The following POLR3G variants were observed in gnomAD, a reference collection of about 807,000 sequenced individuals.
The protein encoded by POLR3G is RNA polymerase III subunit G, also known as DNA-directed RNA polymerase III subunit RPC7.
POLR3G carries 28 observed loss-of-function variants against 30.1 expected under a neutral mutation model. That is an observed-to-expected ratio of 0.93 (90% CI 0.69 to 1.27). POLR3G has a LOEUF of 1.27. Ranked by LOEUF, POLR3G falls within the 50% of genes most tolerant of loss-of-function variation. POLR3G has a pLI of 0.00. For missense variants in POLR3G, 254 were observed against 264.6 expected (o/e 0.96, Z 0.28); for synonymous variants, 79 against 82.5 (o/e 0.96, Z 0.23).
chr5:90,505,832 T>G (rs1752456553), intron 6 of POLR3G, among the ~76,000 whole-genome samples: 2 of 152,174 alleles, frequency 1.3e-5, no homozygotes, highest in South Asian at 4.1e-4. Context: ...ACATAGACAT[T>G]TTGAGATAAT....
At position 90,506,578 on chromosome 5, in the gene POLR3G, GA is replaced by G. The variant is rs777885579; in HGVS notation, c.492del (p.Glu165LysfsTer70). On this transcript the variant is annotated frameshift_variant, in exon 7 of 8. Transcript: ENST00000651687. LOFTEE classifies it high-confidence loss of function. ...GEKSDEENEE[K>X]EGSKEKSKEG... ...AAAAATCAGATGAGGAAAATGAAGA[GA>G]AAGAAGGAAGCAAAGAGAAAAGTAA... 1.5e-5 allele frequency: 24 copies of G among 1,613,336 alleles called. No individual in the cohort carries two copies. Among genetic ancestry groups the G allele is most frequent in the East Asian group, 2.2e-5 (1 of 44,860 alleles).
chr5:90,502,975 G>C (rs1752324878), intron 6 of POLR3G, among the ~76,000 whole-genome samples: 1 of 152,126 alleles, frequency 6.6e-6, no homozygotes, highest in Admixed American at 6.5e-5. Flanking sequence ...TAGATTTCTA[G>C]AAGTATTTGG....
chr5:90,500,310 A>G (rs557218518), intron 5 of POLR3G, among the ~76,000 whole-genome samples: 1 of 152,252 alleles, frequency 6.6e-6, no homozygotes, highest in South Asian at 2.1e-4. Context: ...AGCTACTGCC[A>G]TGTGTTAAAA....
intron 7 of POLR3G, among the ~76,000 whole-genome samples, chr5:90,511,047 C>T (rs189790200): frequency 2.1e-4 from 32 of 152,246 alleles, no homozygotes; most frequent in Non-Finnish European, 4.4e-4. Flanking sequence ...ATGGTCTTAT[C>T]ACTCAGCTTT....
At chr5:90,476,406 G>C (rs1302942048) in intron 1 of POLR3G, among the ~76,000 whole-genome samples, 2 of 152,132 alleles carry the variant, frequency 1.3e-5, no homozygotes, top group African/African-American at 4.8e-5. Context: ...AGCATTACGG[G>C]GTATGTACCA....
rs1752880396 is a variant in POLR3G, at chr5:90,514,554, A to T, written c.*2415A>T. 1 of 152,236 alleles carries T rather than the reference A, an allele frequency of 6.6e-6. No individual in the cohort carries two copies. Among genetic ancestry groups the T allele is most frequent in the Admixed American group, 6.5e-5 (1 of 15,284 alleles). The allele number at this position is 152,236 out of a possible 1,614,324, so 9.4% of individuals were successfully genotyped here. A position where few individuals can be genotyped will look rare whatever the true frequency, so the allele number is the denominator to read the frequency against. On this transcript the variant is annotated 3_prime_UTR_variant, in exon 8 of 8. Transcript: ENST00000651687. The stretch of plus-strand genomic sequence containing the variant: ...TGAATAAACAATCACCACAAACAAC[A>T]AAACTCTGGTTAATGATTATTCAAA...
chr5:90,483,759 A>C (rs573049749), intron 1 of POLR3G, among the ~76,000 whole-genome samples: 2 of 152,256 alleles, frequency 1.3e-5, no homozygotes, highest in Admixed American at 1.3e-4. Context: ...TAAATAAATA[A>C]AATATTTAAA....
At chr5:90,477,918 C>T (rs1750916410) in intron 1 of POLR3G, among the ~76,000 whole-genome samples, 1 of 152,042 alleles carries the variant, frequency 6.6e-6, no homozygotes, top group African/African-American at 2.4e-5. Flanking sequence ...TGGTGTACAC[C>T]CTATGTAAAT....
At position 90,501,991 on chromosome 5, in the gene POLR3G, A is replaced by G. The variant is rs1294153430; in HGVS notation, c.438+3A>G. 2 of 1,611,560 alleles carry G rather than the reference A, an allele frequency of 1.2e-6. No homozygotes were observed. The highest frequency in any genetic ancestry group is 1.3e-5 in the African/African-American group (1 of 74,814). The stretch of plus-strand genomic sequence containing the variant: ...AAGATGTGTTGAAAAAAATGGAGGT[A>G]AGGTTTTCTTCTTACTATACAAGTG... On this transcript the variant is annotated splice_donor_region_variant and intron_variant, in intron 6 of 7. Transcript: ENST00000651687.
Position 90,506,686 on chromosome 5 carries a change from T to C in POLR3G, c.585+12T>C. ...AAGAGCAAGAAGAGGTAATGGTTCA[T>C]TTGGGGATGGTAGCAAAATTAATAA... On this transcript the variant is annotated intron_variant, in intron 7 of 7. Transcript: ENST00000651687. 6.3e-7 allele frequency: 1 copy of C among 1,589,416 alleles called. No homozygotes were observed. The highest frequency in any genetic ancestry group is 2.2e-5 in the East Asian group (1 of 44,578).
chr5:90,490,863 G>T (rs1010318646), intron 3 of POLR3G: 1 of 160,042 alleles, frequency 6.2e-6, no homozygotes, highest in Non-Finnish European at 1.4e-5. Flanking sequence ...CATGCTATGA[G>T]TGAAAAAGAA....
chr5:90,497,779 C>G (rs777021754), intron 5 of POLR3G, 73 bp downstream of exon 5: 3 of 1,517,800 alleles, frequency 2.0e-6, no homozygotes, highest in Non-Finnish European at 2.7e-6. Flanking sequence ...ATGGATTTGT[C>G]AACCCAAAGT....
rs1752630275 is a variant in POLR3G at position 90,509,315 on chromosome 5, C to T, written c.585+2641C>T. ...CTGTAATCTCTCTGATTGCATCCCT[C>T]CCCATAGTTACCCTGTATAAACATG... On this transcript the variant is annotated intron_variant, in intron 7 of 7. Transcript: ENST00000651687. 5.3e-5 allele frequency among the ~76,000 whole-genome samples: 8 copies of T among 152,130 alleles called. No homozygotes were observed. In the South Asian group the frequency reaches 1.5e-3, roughly 28 times the overall value.
At chr5:90,487,239 A>C (rs1031484062) in intron 2 of POLR3G, among the ~76,000 whole-genome samples, 2 of 152,074 alleles carry the variant, frequency 1.3e-5, no homozygotes, top group Non-Finnish European at 2.9e-5. Flanking sequence ...CATAGCAACC[A>C]CTTACTAAAT....
At chr5:90,501,832 A>G (rs1018014277) in intron 5 of POLR3G, 74 bp from the exon 6 acceptor site, 4 of 1,547,696 alleles carry the variant, frequency 2.6e-6, no homozygotes, top group Non-Finnish European at 3.5e-6. Flanking sequence ...GCTGGACAGC[A>G]TACGCAAAGA....
At chr5:90,480,729 CT>C (rs1751082134) in intron 1 of POLR3G, among the ~76,000 whole-genome samples, 2 of 152,152 alleles carry the variant, frequency 1.3e-5, no homozygotes, top group Admixed American at 1.3e-4. Context: ...GTCTGGTAAA[CT>C]TTACCTGGAA....
chr5:90,477,599 C>A (rs1173451382), intron 1 of POLR3G, among the ~76,000 whole-genome samples: 1 of 152,116 alleles, frequency 6.6e-6, no homozygotes, highest in Non-Finnish European at 1.5e-5. Context: ...AGGGGTCATT[C>A]ATCAGGAATA....
chr5:90,503,615 TG>T (rs1752354518), intron 6 of POLR3G, among the ~76,000 whole-genome samples: 1 of 152,224 alleles, frequency 6.6e-6, no homozygotes, highest in South Asian at 2.1e-4. Context: ...GGACACACAC[TG>T]GAAAAACTGG....
In POLR3G at chr5:90,512,758, C is replaced by T. The variant is rs1303807951; in HGVS notation, c.*619C>T. 1.3e-5 allele frequency: 2 copies of T among 152,400 alleles called. No homozygotes were observed. The highest frequency in any genetic ancestry group is 2.4e-5 in the African/African-American group (1 of 41,408). The allele number at this position is 152,400 out of a possible 1,614,324, so 9.4% of individuals were successfully genotyped here. Reference sequence around the variant, plus strand: ...TTCACAGCTCACATCTTAGCCAGTACAAAGAAACTTTCACATGGGGTGAAT... The same window carrying T: ...TTCACAGCTCACATCTTAGCCAGTATAAAGAAACTTTCACATGGGGTGAAT... On this transcript the variant is annotated 3_prime_UTR_variant, in exon 8 of 8. Transcript: ENST00000651687.
Sources: gnomAD v4.1 joint callset for allele counts (sites outside exome capture counted in the v4.1 genomes callset) on GRCh38, gnomAD v4.1.1 for gene constraint, MANE v1.5 for transcripts, NCBI Gene and HGNC (gene_info 2026-07-23, HGNC 2026-07-21) for gene names.